FKRP: variants seen among roughly 807,000 people sequenced by gnomAD.
FKRP encodes the protein ribitol 5-phosphate transferase FKRP.
Under a neutral mutation model 30.6 loss-of-function variants are expected in FKRP, and 25 were observed. The observed-to-expected ratio is 0.82, with a 90% CI of 0.60 to 1.14. The LOEUF (loss-of-function observed/expected upper bound fraction) is 1.14. Ranked by LOEUF, FKRP falls within the 50% of genes most tolerant of loss-of-function variation. The pLI, the probability that FKRP is intolerant of heterozygous loss-of-function variation, is 0.00. For missense variants in FKRP, 771 were observed against 727.8 expected (o/e 1.06, Z -0.68); for synonymous variants, 358 against 342.5 (o/e 1.05, Z -0.50).
In FKRP at chr19:46,757,957, G is replaced by A. The variant is rs991234877; in HGVS notation, c.*1019G>A. On this transcript the variant is annotated 3_prime_UTR_variant, in exon 4 of 4. Transcript: ENST00000318584. ...ACTTCTGAATCGCAGCTCCACTCAT[G>A]ACTAATACCTCATTATTTCAGCTGT... The A allele has an allele frequency of 1.2e-5, 2 of 167,152 alleles. No individual in the cohort carries two copies. Among genetic ancestry groups the A allele is most frequent in the Admixed American group, 6.5e-5 (1 of 15,292 alleles). The allele number at this position is 167,152 out of a possible 1,614,324, so 10.4% of individuals were successfully genotyped here.
chr19:46,748,419 G>T (rs1378034393), intron 2 of FKRP, 96 bp from the exon 3 acceptor site: 1 of 152,016 alleles, frequency 6.6e-6, no homozygotes, highest in Non-Finnish European at 1.5e-5. Context: ...CTCGTGATCC[G>T]CCCGCCTCGG....
chr19:46,748,888 C>G (rs138252155), intron 3 of FKRP: 1 of 151,968 alleles, frequency 6.6e-6, no homozygotes, highest in Admixed American at 6.6e-5. Context: ...ATTACAGGTG[C>G]GCACCACCAT....
intron 3 of FKRP, among the ~76,000 whole-genome samples, chr19:46,751,950 G>A (rs1043647526): frequency 6.6e-6 from 1 of 152,132 alleles, no homozygotes; most frequent in East Asian, 1.9e-4. Context: ...GGGGGCCGGC[G>A]CAGTGGGGTG....
At chr19:46,745,941 C>T (rs2054584426), upstream of FKRP, 11 of 514,788 alleles carry the variant, frequency 2.1e-5, no homozygotes, top group South Asian at 4.8e-4. Context: ...CACCTCGGGC[C>T]GTCCCGGTCC....
Position 46,755,848 on chromosome 19 carries a change from C to A in FKRP, c.398C>A (p.Ala133Glu). 6.7e-7 allele frequency: 1 copy of A among 1,491,960 alleles called. No homozygotes were observed. Among genetic ancestry groups the A allele is most frequent in the Non-Finnish European group, 8.9e-7 (1 of 1,123,668 alleles). The allele number at this position is 1,491,960 out of a possible 1,614,324, so 92.4% of individuals were successfully genotyped here. A position where few individuals can be genotyped will look rare whatever the true frequency, so the allele number is the denominator to read the frequency against. ...TEFVALVPDG[A>E]RAEAPGLLER... ...TTTGTGGCCCTAGTACCTGATGGGG[C>A]GCGGGCTGAGGCACCTGGCCTGCTG... is the stretch of plus-strand genomic sequence containing the variant. Residue 133 changes from alanine to glutamate, a missense_variant, in exon 4 of 4, where the codon GCG (alanine) becomes GAG (glutamate). Ala to Glu is a moderately radical substitution (Grantham distance 107). Coordinates refer to ENST00000318584, the MANE Select transcript of FKRP (RefSeq NM_024301.5).
At chr19:46,746,330 A>G in intron 1 of FKRP, 1 of 1,295,378 alleles carries the variant, frequency 7.7e-7, no homozygotes. Context: ...AGGGGCGGAG[A>G]CCGGGGCCGC....
rs1167625593 is a variant in FKRP, at chr19:46,756,954, G to C, written c.*16G>C. ...AAGCGGCTGAAGCCCTGATAACCTC[G>C]CCTTTGTTTTTCGGGGGTCTGTCTG... On this transcript the variant is annotated 3_prime_UTR_variant, in exon 4 of 4. Coordinates refer to ENST00000318584, the MANE Select transcript of FKRP (RefSeq NM_024301.5). The surrounding 1 kb of genome is among the most constrained non-coding windows in gnomAD (Gnocchi z 6.6). 2 of 1,612,286 alleles carry C rather than the reference G, an allele frequency of 1.2e-6. No individual in the cohort carries two copies. The highest frequency in any genetic ancestry group is 1.3e-5 in the African/African-American group (1 of 75,018).
intron 3 of FKRP, chr19:46,754,328 GTA>G (rs2054856568): frequency 2.5e-4 from 37 of 150,120 alleles, no homozygotes; most frequent in African/African-American, 8.8e-4. Context: ...GTGAGTCACT[GTA>G]CCTGGCCCAC....
chr19:46,746,947 G>A (rs1416730804), intron 1 of FKRP: 2 of 152,166 alleles, frequency 1.3e-5, no homozygotes, highest in East Asian at 1.9e-4. Context: ...TGTGGTTATG[G>A]AGCCCCAAAC....
Position 46,756,607 on chromosome 19 carries a change from T to A in FKRP, c.1157T>A (p.Val386Glu). The A allele has an allele frequency of 6.2e-7, 1 of 1,611,224 alleles. No individual in the cohort carries two copies. The highest frequency in any genetic ancestry group is 8.5e-7 in the Non-Finnish European group (1 of 1,179,166). Residue 386 changes from valine to glutamate, a missense_variant, in exon 4 of 4, where the codon GTG becomes GAG. Physicochemically the swap from Val to Glu is moderately radical, Grantham distance 121. Coordinates refer to ENST00000318584, the MANE Select transcript of FKRP (RefSeq NM_024301.5). This position sits in a 1 kb window ranked among gnomAD's most constrained non-coding sequence, Gnocchi z 6.6. Reference protein sequence around the residue: ...EQLRGAEAGSVVDERGFVWEK... With the variant: ...EQLRGAEAGSEVDERGFVWEK... The stretch of plus-strand genomic sequence containing the variant: ...CTGCGGGGGGCAGAGGCCGGCTCGG[T>A]GGTGGATGAGCGCGGCTTCGTATGG...
chr19:46,750,341 G>T (rs925856831), intron 3 of FKRP, among the ~76,000 whole-genome samples: 2 of 152,164 alleles, frequency 1.3e-5, no homozygotes, highest in Non-Finnish European at 2.9e-5. Flanking sequence ...GCTGGTGTCT[G>T]GTCTGCGAGG....
At position 46,756,801 on chromosome 19, in the gene FKRP, C is replaced by T; in HGVS notation, c.1351C>T (p.Pro451Ser). ...CGAGCACTTCCTGCAGCCGCTGGTG[C>T]CCCTGCCCTTTGCCGGCTTCGTGGC... ...FPEHFLQPLV[P>S]LPFAGFVAQA... The change falls in exon 4 of 4, where the codon CCC becomes TCC. Residue 451 changes from proline (P) to serine (S), a missense_variant. Coordinates refer to ENST00000318584, the MANE Select transcript of FKRP (RefSeq NM_024301.5). This position sits in a 1 kb window ranked among gnomAD's most constrained non-coding sequence, Gnocchi z 6.6. The T allele has an allele frequency of 6.2e-7, 1 of 1,600,812 alleles. No individual in the cohort carries two copies. Among genetic ancestry groups the T allele is most frequent in the Non-Finnish European group, 8.5e-7 (1 of 1,174,256 alleles).
Position 46,758,365 on chromosome 19 carries a change from C to T in FKRP, c.*1427C>T, listed in dbSNP as rs2054967580. On this transcript the variant is annotated 3_prime_UTR_variant, in exon 4 of 4. Transcript: ENST00000318584. ...GCAGCCTTCCTTATTTGATTATGCA[C>T]CTAAGAATAAATGGTATTTGGGCAT... The T allele has an allele frequency of 6.0e-6, 1 of 166,740 alleles. No individual in the cohort carries two copies. The highest frequency in any genetic ancestry group is 1.5e-5 in the Non-Finnish European group (1 of 68,056). 10.3% of individuals were successfully genotyped at this position (166,740 alleles called of 1,614,324 possible).
intron 1 of FKRP, 188 bp downstream of exon 1, chr19:46,746,278 T>G: frequency 6.9e-7 from 1 of 1,446,224 alleles, no homozygotes. Flanking sequence ...CGGGGCTGCC[T>G]CCGCCGCCGC....
chr19:46,756,832 C>T lies in FKRP; in HGVS notation c.1382C>T (p.Ala461Val). 1 of 1,599,572 alleles carries T rather than the reference C, an allele frequency of 6.3e-7. No homozygotes were observed. The highest frequency in any genetic ancestry group is 8.5e-7 in the Non-Finnish European group (1 of 1,173,550). The change falls in exon 4 of 4, where the codon GCG becomes GTG. Residue 461 changes from alanine to valine, a missense_variant. Ala to Val is a moderately conservative substitution (Grantham distance 64, BLOSUM62 0). Coordinates refer to ENST00000318584, the MANE Select transcript of FKRP (RefSeq NM_024301.5). The surrounding 1 kb of genome is among the most constrained non-coding windows in gnomAD (Gnocchi z 6.6). ...PLPFAGFVAQ[A>V]PNNYRRFLEL... is the part of the protein sequence containing the mutation. ...CCCTTTGCCGGCTTCGTGGCGCAGG[C>T]GCCTAACAACTACCGCCGCTTCCTG... is the stretch of plus-strand genomic sequence containing the variant.
intron 3 of FKRP, among the ~76,000 whole-genome samples, chr19:46,751,268 T>C (rs1162646421): frequency 6.6e-6 from 1 of 152,068 alleles, no homozygotes; most frequent in Non-Finnish European, 1.5e-5. Context: ...CTTACTATGT[T>C]GTCCAGGCTG....
intron 3 of FKRP, chr19:46,748,978 G>C (rs567785713): frequency 6.6e-6 from 1 of 152,262 alleles, no homozygotes; most frequent in South Asian, 2.1e-4. Flanking sequence ...CCTGACCTCA[G>C]GTGATCTGAC....
Position 46,756,821 on chromosome 19 carries a change from C to T in FKRP, c.1371C>T (p.Phe457=), listed in dbSNP as rs1270459605. The change falls in exon 4 of 4, where the codon TTC becomes TTT. Residue 457 remains phenylalanine, a synonymous_variant. Transcript: ENST00000318584. This position sits in a 1 kb window ranked among gnomAD's most constrained non-coding sequence, Gnocchi z 6.6. ...QPLVPLPFAG[F]VAQAPNNYRR... is the part of the protein sequence containing the mutation. Reference sequence around the variant, plus strand: ...TGGTGCCCCTGCCCTTTGCCGGCTTCGTGGCGCAGGCGCCTAACAACTACC... The same window carrying T: ...TGGTGCCCCTGCCCTTTGCCGGCTTTGTGGCGCAGGCGCCTAACAACTACC... The T allele has an allele frequency of 1.3e-6, 2 of 1,599,232 alleles. No homozygotes were observed. The highest frequency in any genetic ancestry group is 1.1e-5 in the South Asian group (1 of 89,286).
intron 3 of FKRP, among the ~76,000 whole-genome samples, chr19:46,751,016 G>A (rs2054781058): frequency 2.0e-5 from 3 of 150,716 alleles, no homozygotes; most frequent in Admixed American, 2.0e-4. Flanking sequence ...TACTAGGGGA[G>A]CAAAATAAAG....
Sources: gnomAD v4.1 joint callset for allele counts (sites outside exome capture counted in the v4.1 genomes callset) on GRCh38, gnomAD v4.1.1 for gene constraint, Gnocchi (gnomAD v3.1) non-coding constraint, MANE v1.5 for transcripts, NCBI Gene and HGNC (gene_info 2026-07-23, HGNC 2026-07-21) for gene names.